MYO19: variants seen among roughly 807,000 people sequenced by gnomAD.
MYO19 encodes unconventional myosin-XIX.
A neutral mutation model predicts 129.2 loss-of-function variants in MYO19; 132 were observed. That is an observed-to-expected ratio of 1.02 (90% CI 0.89 to 1.18). The LOEUF (loss-of-function observed/expected upper bound fraction) is 1.18. Ranked by LOEUF, MYO19 falls within the 50% of genes most tolerant of loss-of-function variation. The pLI, the probability that MYO19 is intolerant of heterozygous loss-of-function variation, is 0.00. For missense variants in MYO19, 1,210 were observed against 1,216.7 expected (o/e 0.99, Z 0.08); for synonymous variants, 531 against 477.2 (o/e 1.11, Z -1.47).
chr17:36,510,114 A>G (rs1299334696), intron 13 of MYO19, among the ~76,000 whole-genome samples: 1 of 152,012 alleles, frequency 6.6e-6, no homozygotes, highest in Non-Finnish European at 1.5e-5. Flanking sequence ...ACACACATAC[A>G]CTCATTCTGG....
chr17:36,500,971 G>A lies in MYO19; in HGVS notation c.2248-12C>T. 1 of 1,609,810 alleles carries A rather than the reference G, an allele frequency of 6.2e-7. No homozygotes were observed. On this transcript the variant is annotated splice_polypyrimidine_tract_variant and intron_variant, in intron 22 of 25. Coordinates refer to ENST00000614623, the MANE Select transcript of MYO19 (RefSeq NM_001163735.2). ...TCCAGAAGCTCCAGCTGGGAGAAAA[G>A]GCATCCATTGAGGGCAGCCTCTTCT...
chr17:36,502,772 G>T, intron 21 of MYO19: 1 of 336,532 alleles, frequency 3.0e-6, no homozygotes. Context: ...GCTGCCTCAA[G>T]CCTCTAGGCC....
intron 6 of MYO19, among the ~76,000 whole-genome samples, chr17:36,521,034 T>C (rs7224434): frequency 1.3e-5 from 2 of 152,144 alleles, no homozygotes; most frequent in Admixed American, 6.5e-5. Context: ...TCTGTTGATA[T>C]GCCCAAAGAT....
chr17:36,506,663 C>A lies in MYO19; in HGVS notation c.1645-55G>T, dbSNP rs368124840. On this transcript the variant is annotated intron_variant, in intron 17 of 25. Coordinates refer to ENST00000614623, the MANE Select transcript of MYO19 (RefSeq NM_001163735.2). The stretch of plus-strand genomic sequence containing the variant: ...GGGCAGGTGGAGCTTCTGCTCAGGG[C>A]CATCCACTGCCCACCCAAGCCGCAG... 2,312 of 1,497,196 alleles carry A rather than the reference C, an allele frequency of 1.5e-3. 2 individuals carry two copies. Among genetic ancestry groups the A allele is most frequent in the Non-Finnish European group, 1.8e-3 (2,033 of 1,124,366 alleles). 92.7% of individuals were successfully genotyped at this position (1,497,196 alleles called of 1,614,324 possible).
intron 20 of MYO19, among the ~76,000 whole-genome samples, chr17:36,503,509 T>A (rs1341181615): frequency 6.6e-6 from 1 of 152,202 alleles, no homozygotes; most frequent in African/African-American, 2.4e-5. Flanking sequence ...GACAGGCCTC[T>A]CCCCAAACAA....
intron 25 of MYO19, 119 bp downstream of exon 25, chr17:36,498,147 C>T: frequency 8.8e-7 from 1 of 1,135,408 alleles, no homozygotes; most frequent in South Asian, 1.5e-5. Flanking sequence ...TCTGGTTTAC[C>T]CAGTAGGGTT....
chr17:36,505,193 A>C, intron 19 of MYO19, 104 bp downstream of exon 19: 1 of 1,035,830 alleles, frequency 9.7e-7, no homozygotes, highest in South Asian at 1.3e-5. Context: ...CGGAGAGACC[A>C]CTTCTGTGCA....
Position 36,511,497 on chromosome 17 carries a change from G to A in MYO19, c.895-42C>T, listed in dbSNP as rs942882162. 3 of 1,527,458 alleles carry A rather than the reference G, an allele frequency of 2.0e-6. No homozygotes were observed. In the African/African-American group the frequency reaches 4.1e-5, roughly 21 times the overall value. 94.6% of individuals were successfully genotyped at this position (1,527,458 alleles called of 1,614,324 possible). ...GATGGGTGGGAGTAGGAGAGGGCGT[G>A]ACGTGGGCCTACTCTGGGAAGGGCC... On this transcript the variant is annotated intron_variant, in intron 11 of 25. Coordinates refer to ENST00000614623, the MANE Select transcript of MYO19 (RefSeq NM_001163735.2).
chr17:36,537,587 TG>T, upstream of MYO19: 1 of 1,614,194 alleles, frequency 6.2e-7, no homozygotes, highest in Non-Finnish European at 8.5e-7. Context: ...CTGAGCTCTA[TG>T]GGACAGGAGC....
At chr17:36,540,590 C>A (rs904158447) in intron 2 of MYO19, among the ~76,000 whole-genome samples, 1 of 152,094 alleles carries the variant, frequency 6.6e-6, no homozygotes, top group Non-Finnish European at 1.5e-5. Flanking sequence ...AGGCCAGTCT[C>A]GAACTCCTGT....
At chr17:36,505,543 T>A (rs767839080) in intron 18 of MYO19, 139 bp from the exon 19 acceptor site, 16 of 634,738 alleles carry the variant, frequency 2.5e-5, no homozygotes, top group Non-Finnish European at 4.2e-5. Context: ...TGTGCAGGGA[T>A]GACTGCTGCA....
chr17:36,513,933 G>C (rs1384352678), intron 9 of MYO19, among the ~76,000 whole-genome samples: 1 of 152,192 alleles, frequency 6.6e-6, no homozygotes, highest in African/African-American at 2.4e-5. Context: ...AAAGAACCTT[G>C]CTCTAGGGAA....
intron 3 of MYO19, among the ~76,000 whole-genome samples, chr17:36,528,436 G>A (rs1005752568): frequency 4.6e-5 from 7 of 152,138 alleles, no homozygotes; most frequent in South Asian, 2.1e-4. Context: ...GCGTGAACCC[G>A]GGAGGCGGAG....
chr17:36,538,389 G>A (rs1251442140), upstream of MYO19: 5 of 1,614,110 alleles, frequency 3.1e-6, no homozygotes, highest in Non-Finnish European at 8.5e-7. Flanking sequence ...TCTAGTCCCT[G>A]AAGCCGAAAG....
At chr17:36,505,929 C>T (rs971071072) in intron 18 of MYO19, among the ~76,000 whole-genome samples, 21 of 152,110 alleles carry the variant, frequency 1.4e-4, no homozygotes, top group African/African-American at 5.1e-4. Flanking sequence ...CAGGTGCCTC[C>T]TCGAGGTGGT....
intron 16 of MYO19, 58 bp downstream of exon 16, chr17:36,507,341 G>T (rs188575510): frequency 6.6e-7 from 1 of 1,513,176 alleles, no homozygotes; most frequent in East Asian, 2.3e-5. Flanking sequence ...TAATCATCAA[G>T]GCCCCAGAAA....
At chr17:36,540,493 C>G (rs1434661654) in intron 2 of MYO19, among the ~76,000 whole-genome samples, 1 of 151,900 alleles carries the variant, frequency 6.6e-6, no homozygotes, top group African/African-American at 2.4e-5. Flanking sequence ...GCCTCAGCCT[C>G]CCGAGGAGCT....
At chr17:36,516,436 T>C (rs2142123089) in intron 6 of MYO19, among the ~76,000 whole-genome samples, 1 of 152,060 alleles carries the variant, frequency 6.6e-6, no homozygotes, top group East Asian at 1.9e-4. Flanking sequence ...AATGGCACAA[T>C]CTCAACTCTC....
At chr17:36,526,650 G>T (rs1451367625) in intron 5 of MYO19, among the ~76,000 whole-genome samples, 2 of 152,164 alleles carry the variant, frequency 1.3e-5, no homozygotes, top group African/African-American at 4.8e-5. Flanking sequence ...ACTTTGGGAG[G>T]CTACGGCAGG....
Sources: gnomAD v4.1 joint callset for allele counts (sites outside exome capture counted in the v4.1 genomes callset) on GRCh38, gnomAD v4.1.1 for gene constraint, MANE v1.5 for transcripts, NCBI Gene and HGNC (gene_info 2026-07-23, HGNC 2026-07-21) for gene names.